Variants in MAPK8IP3 observed in about 807,000 individuals in gnomAD.
MAPK8IP3 encodes the protein C-Jun-amino-terminal kinase-interacting protein 3.
A neutral mutation model predicts 157.8 loss-of-function variants in MAPK8IP3; 49 were observed. That is an observed-to-expected ratio of 0.31 (90% CI 0.25 to 0.39). The LOEUF (loss-of-function observed/expected upper bound fraction) is 0.39, where lower values mean the gene tolerates loss of function less well. Among genes scored for constraint, MAPK8IP3 ranks in the 10% least tolerant of loss-of-function variants. The pLI is 1.00. For synonymous variants in MAPK8IP3, 897 were observed against 777.7 expected (o/e 1.15, Z -2.55); for missense variants, 1,478 against 1,889.4 (o/e 0.78, Z 4.04).
At position 1,743,791 on chromosome 16, in the gene MAPK8IP3, A is replaced by T. The variant is rs2040815946; in HGVS notation, c.747+315A>T. ...GTGCCTGTCAGGGTTGAGCTTAGTGATCCTCTCTCAAACCACACCCCCACA... is the reference window on the plus strand; with the variant it reads ...GTGCCTGTCAGGGTTGAGCTTAGTGTTCCTCTCTCAAACCACACCCCCACA... On this transcript the variant is annotated intron_variant, in intron 5 of 31. Transcript: ENST00000610761. The surrounding 1 kb of genome is among the most constrained non-coding windows in gnomAD (Gnocchi z 5.6). 1 of 1,252,664 alleles carries T rather than the reference A, an allele frequency of 8.0e-7. No homozygotes were observed. Among genetic ancestry groups the T allele is most frequent in the Non-Finnish European group, 1.0e-6 (1 of 997,128 alleles). 77.6% of individuals were successfully genotyped at this position (1,252,664 alleles called of 1,614,324 possible).
rs1422729924 is a variant in MAPK8IP3 at position 1,741,455 on chromosome 16, C to T, written c.603-1877C>T. 6.6e-6 allele frequency among the ~76,000 whole-genome samples: 1 copy of T among 152,140 alleles called. No individual in the cohort carries two copies. The highest frequency in any genetic ancestry group is 6.5e-5 in the Admixed American group (1 of 15,286). On this transcript the variant is annotated intron_variant, in intron 4 of 31. Coordinates refer to ENST00000610761, the MANE Select transcript of MAPK8IP3 (RefSeq NM_001318852.2). This position sits in a 1 kb window ranked among gnomAD's most constrained non-coding sequence, Gnocchi z 6.9. ...GGTGGGAGAGCCGTACATGCATTCC[C>T]TTGGCCTCCTGGGAGACCAGAGGCC...
chr16:1,751,222 G>A lies in MAPK8IP3; in HGVS notation c.1216+2502G>A, dbSNP rs535208439. Among the ~76,000 whole-genome samples the A allele has an allele frequency of 5.9e-5, 9 of 152,164 alleles. No individual in the cohort carries two copies. Among genetic ancestry groups the A allele is most frequent in the African/African-American group, 1.9e-4 (8 of 41,546 alleles). On this transcript the variant is annotated intron_variant, in intron 8 of 31. Coordinates refer to ENST00000610761, the MANE Select transcript of MAPK8IP3 (RefSeq NM_001318852.2). The surrounding 1 kb of genome is among the most constrained non-coding windows in gnomAD (Gnocchi z 5.0). ...CGTAATCCCAGCACTTTGGGAGGCC[G>A]AGGCGGGTGGATTGCTTGAAGTCAG...
At chr16:1,755,741 G>A (rs2041556186) in intron 8 of MAPK8IP3, among the ~76,000 whole-genome samples, 1 of 150,992 alleles carries the variant, frequency 6.6e-6, no homozygotes, top group African/African-American at 2.4e-5. Context: ...CAGCTACTCA[G>A]AAGACTAAGG....
chr16:1,761,315 C>A lies in MAPK8IP3; in HGVS notation c.1539+10C>A. On this transcript the variant is annotated intron_variant, in intron 13 of 31. Coordinates refer to ENST00000610761, the MANE Select transcript of MAPK8IP3 (RefSeq NM_001318852.2). ...TCTCTGTACAGAATCGGTACATCCACTCTTCACTCTTCACATGCGGGGCGT... is the reference window on the plus strand; with the variant it reads ...TCTCTGTACAGAATCGGTACATCCAATCTTCACTCTTCACATGCGGGGCGT... The A allele has an allele frequency of 6.2e-7, 1 of 1,609,848 alleles. No individual in the cohort carries two copies.
chr16:1,737,735 CGT>C (rs1302270470), intron 4 of MAPK8IP3, among the ~76,000 whole-genome samples: 1 of 57,322 alleles, frequency 1.7e-5, no homozygotes, highest in African/African-American at 1.2e-4. Context: ...TGTGAGCATC[CGT>C]GTGAGCGTGA....
chr16:1,740,180 CCGTT>C (rs1488683242), intron 4 of MAPK8IP3, among the ~76,000 whole-genome samples: 1 of 127,136 alleles, frequency 7.9e-6, no homozygotes, highest in African/African-American at 3.1e-5. Context: ...ATCTGTGTGA[CCGTT>C]CGTGTGAGTG....
rs766508643 is a variant in MAPK8IP3 at position 1,766,066 on chromosome 16, C to T, written c.2553C>T (p.Gly851=). The T allele has an allele frequency of 3.7e-6, 6 of 1,612,858 alleles. No homozygotes were observed. ...DGVLAGITLV[G]CATRCNVPRS... is the part of the protein sequence containing the mutation. ...TGCTGGCCGGTATCACCCTGGTGGG[C>T]TGTGCCACCCGCTGCAACGTGCCGC... Residue 851 remains glycine (G), a synonymous_variant, in exon 21 of 32, where the codon GGC becomes GGT. Transcript: ENST00000610761.
chr16:1,722,420 G>A (rs570406023), intron 1 of MAPK8IP3, among the ~76,000 whole-genome samples: 4 of 152,216 alleles, frequency 2.6e-5, no homozygotes, highest in South Asian at 2.1e-4. Flanking sequence ...AGGAAGAAGC[G>A]TCGAGGAGCC....
chr16:1,737,183 ACCGT>A (rs542174903), intron 4 of MAPK8IP3, among the ~76,000 whole-genome samples: 8 of 85,038 alleles, frequency 9.4e-5, no homozygotes, highest in Admixed American at 1.4e-4. Context: ...TGAGCGTGTG[ACCGT>A]CCGTGTGAGC....
chr16:1,715,494 G>T (rs1027826379), intron 1 of MAPK8IP3, among the ~76,000 whole-genome samples: 2 of 152,298 alleles, frequency 1.3e-5, no homozygotes, highest in African/African-American at 4.8e-5. Context: ...AAGGGCATCT[G>T]CCAGGCACGT....
In MAPK8IP3 at chr16:1,708,720, C is replaced by T. The variant is rs1426423759; in HGVS notation, c.318+2063C>T. 7.2e-5 allele frequency among the ~76,000 whole-genome samples: 11 copies of T among 152,178 alleles called. No individual in the cohort carries two copies. In the East Asian group the frequency reaches 9.7e-4, roughly 13 times the overall value. ...CCCCAGCGCTTTAGAGAAGCTGCAC[C>T]GAGAGCTTCGGGAGCCGAGCCCCGA... is the stretch of plus-strand genomic sequence containing the variant. On this transcript the variant is annotated intron_variant, in intron 1 of 31. Coordinates refer to ENST00000610761, the MANE Select transcript of MAPK8IP3 (RefSeq NM_001318852.2).
chr16:1,744,255 C>G (rs1245924121), intron 5 of MAPK8IP3: 11 of 985,610 alleles, frequency 1.1e-5, no homozygotes, highest in Non-Finnish European at 1.3e-5. Context: ...CCACAGGGGC[C>G]GTCAGAGGAT....
intron 6 of MAPK8IP3, among the ~76,000 whole-genome samples, chr16:1,747,668 C>T (rs1184776435): frequency 1.3e-5 from 2 of 152,238 alleles, no homozygotes; most frequent in South Asian, 2.1e-4. Context: ...TGGGGAGACA[C>T]AACTAAGGCA....
chr16:1,766,749 A>G lies in MAPK8IP3; in HGVS notation c.2966A>G (p.Asn989Ser). ...CTCTATGTGCACTCGGCTGTGGCCA[A>G]CTGGAAGAAGTGCCTGCACTCCATC... The part of the protein sequence containing the change: ...GWLYVHSAVA[N>S]WKKCLHSIKL... Residue 989 changes from asparagine to serine, a missense_variant, in exon 24 of 32, where the codon AAC becomes AGC. Around this residue, in one of 11 missense-constraint regions of MAPK8IP3, gnomAD observed 669 missense variants for 759.8 expected, o/e 0.88. Transcript: ENST00000610761. 5 of 1,612,878 alleles carry G rather than the reference A, an allele frequency of 3.1e-6. No homozygotes were observed. The highest frequency in any genetic ancestry group is 2.2e-5 in the East Asian group (1 of 44,866).
intron 1 of MAPK8IP3, among the ~76,000 whole-genome samples, chr16:1,714,850 C>G (rs929038018): frequency 2.0e-5 from 3 of 152,068 alleles, no homozygotes; most frequent in Non-Finnish European, 4.4e-5. Context: ...GAGGTTGGGG[C>G]TGATTAGGAA....
At position 1,768,686 on chromosome 16, in the gene MAPK8IP3, T is replaced by G. The variant is rs1184882076; in HGVS notation, c.3893-17T>G. Reference sequence around the variant, plus strand: ...CGCGGGGGGAGCCTGGCCGTCACTCTGCTGCTTTGCCCGCAGGAGACGGAG... The same window carrying G: ...CGCGGGGGGAGCCTGGCCGTCACTCGGCTGCTTTGCCCGCAGGAGACGGAG... On this transcript the variant is annotated splice_polypyrimidine_tract_variant and intron_variant, in intron 31 of 31. Coordinates refer to ENST00000610761, the MANE Select transcript of MAPK8IP3 (RefSeq NM_001318852.2). 4.3e-6 allele frequency: 7 copies of G among 1,611,636 alleles called. No individual in the cohort carries two copies. Among genetic ancestry groups the G allele is most frequent in the South Asian group, 2.2e-5 (2 of 91,022 alleles).
At chr16:1,758,777 C>T (rs2041766181) in intron 9 of MAPK8IP3, among the ~76,000 whole-genome samples, 1 of 152,204 alleles carries the variant, frequency 6.6e-6, no homozygotes, top group Non-Finnish European at 1.5e-5. Flanking sequence ...CAAGGATAAA[C>T]TTTCCAGAAG....
At chr16:1,738,539 C>T (rs1191750383) in intron 4 of MAPK8IP3, among the ~76,000 whole-genome samples, 5 of 118,682 alleles carry the variant, frequency 4.2e-5, no homozygotes, top group Non-Finnish European at 5.0e-5. Context: ...TGTGACTGTC[C>T]GTGTGAGCAT....
chr16:1,766,713 C>CTATGTGCACTCGGCT lies in MAPK8IP3; in HGVS notation c.2940-10_2940-9insTATGTGCACTCGGCT. The CTATGTGCACTCGGCT allele has an allele frequency of 1.2e-6, 2 of 1,612,744 alleles. No homozygotes were observed. On this transcript the variant is annotated splice_polypyrimidine_tract_variant and intron_variant, in intron 23 of 31. Coordinates refer to ENST00000610761, the MANE Select transcript of MAPK8IP3 (RefSeq NM_001318852.2). ...GTGAGCCCCTCGCCCATCGCCGCTT[C>CTATGTGCACTCGGCT]CTTCCCTAGGCTCTATGTGCACTCG...
Sources: allele counts gnomAD v4.1 joint callset (sites outside exome capture counted in the v4.1 genomes callset), GRCh38; gene constraint gnomAD v4.1.1; regional missense constraint gnomAD v4.1.1; non-coding constraint Gnocchi (gnomAD v3.1); transcripts MANE v1.5; gene names NCBI Gene and HGNC (gene_info 2026-07-23, HGNC 2026-07-21).